The following U2AF2 variants were observed in gnomAD, a reference collection of about 807,000 sequenced individuals.
The protein encoded by U2AF2 is U2 small nuclear RNA auxiliary factor 2.
In U2AF2, 6 loss-of-function variants were observed where a neutral mutation model predicts 52.6. The observed-to-expected ratio is 0.11, with a 90% CI of 0.06 to 0.23. U2AF2 has a LOEUF of 0.23. Ranked by LOEUF, U2AF2 falls within the 10% of genes least tolerant of loss-of-function variation. The pLI, the probability that U2AF2 is intolerant of heterozygous loss-of-function variation, is 1.00. For synonymous variants in U2AF2, 284 were observed against 258.2 expected (o/e 1.10, Z -0.96); for missense variants, 222 against 677.1 (o/e 0.33, Z 7.46).
At chr19:55,661,747 A>G (rs1984222106) in intron 5 of U2AF2, 2 of 151,456 alleles carry the variant, frequency 1.3e-5, no homozygotes, top group African/African-American at 2.5e-5. Context: ...GAGATCAAAG[A>G]GTTGTTTCCA....
At chr19:55,669,245 A>G (rs1381987107) in intron 10 of U2AF2, 64 bp downstream of exon 10, 22 of 1,587,462 alleles carry the variant, frequency 1.4e-5, no homozygotes, top group Non-Finnish European at 1.8e-5. Flanking sequence ...GTAGGGGACA[A>G]GTGTTCCTGA....
Position 55,660,517 on chromosome 19 carries a change from C to T in U2AF2, c.232C>T (p.Arg78Cys), listed in dbSNP as rs1984111007. 9.3e-6 allele frequency: 9 copies of T among 968,844 alleles called. No individual in the cohort carries two copies. Among genetic ancestry groups the T allele is most frequent in the Non-Finnish European group, 1.4e-5 (9 of 656,064 alleles). 60.0% of individuals were successfully genotyped at this position (968,844 alleles called of 1,614,324 possible). ...GCTCTCCCCTCCCACCTCCCCCAGT[C>T]GTTCCCCCCGCCACGAGAAGAAGAA... ...GAKEEHGGLI[R>C]SPRHEKKKKV... Residue 78 changes from arginine (R) to cysteine (C), a missense_variant and splice_region_variant, in exon 4 of 12, where the codon CGT becomes TGT. Physicochemically the swap from Arg to Cys is radical, Grantham distance 180. Coordinates refer to ENST00000308924, the MANE Select transcript of U2AF2 (RefSeq NM_007279.3).
chr19:55,664,381 TCA>T (rs1481559639), intron 7 of U2AF2, among the ~76,000 whole-genome samples: 1 of 152,228 alleles, frequency 6.6e-6, no homozygotes, highest in African/African-American at 2.4e-5. Flanking sequence ...CCTGTGCTTC[TCA>T]CAGGCCACAG....
intron 7 of U2AF2, among the ~76,000 whole-genome samples, chr19:55,667,425 T>C (rs1291340767): frequency 2.0e-5 from 3 of 152,114 alleles, no homozygotes; most frequent in Admixed American, 6.6e-5. Context: ...ATAGCTGATA[T>C]CTGACAGGAC....
At chr19:55,657,863 T>C (rs1326992311) in intron 1 of U2AF2, among the ~76,000 whole-genome samples, 1 of 152,166 alleles carries the variant, frequency 6.6e-6, no homozygotes, top group Non-Finnish European at 1.5e-5. Flanking sequence ...TCTCTATACC[T>C]TAGTTTCCTT....
At chr19:55,661,232 A>ATTCCCTTTCC (rs767584407) in intron 5 of U2AF2, 43 bp downstream of exon 5, 1 of 1,450,010 alleles carries the variant, frequency 6.9e-7, no homozygotes, top group South Asian at 1.3e-5. Flanking sequence ...TTGTCCCTCT[A>ATTCCCTTTCC]CCCCGTTCCT....
chr19:55,655,345 G>C (rs894129978), intron 1 of U2AF2, among the ~76,000 whole-genome samples, 192 bp downstream of exon 1: 1 of 152,172 alleles, frequency 6.6e-6, no homozygotes, highest in Non-Finnish European at 1.5e-5. Context: ...GGGGAAGGGG[G>C]CGGCGGGGCG....
In U2AF2 at chr19:55,668,615, T is replaced by TGCCCC; in HGVS notation, c.822+29_822+30insGCCCC. On this transcript the variant is annotated intron_variant, in intron 8 of 11. Transcript: ENST00000308924. This position sits in a 1 kb window ranked among gnomAD's most constrained non-coding sequence, Gnocchi z 5.5. The stretch of plus-strand genomic sequence containing the variant: ...ACTTCCCTGCCTCCCTCCAGACCCG[T>TGCCCC]CCCCCCACCCCGCCCCACCTCATCC... The TGCCCC allele has an allele frequency of 1.6e-5, 24 of 1,513,672 alleles. No individual in the cohort carries two copies. Among genetic ancestry groups the TGCCCC allele is most frequent in the East Asian group, 2.3e-5 (1 of 43,200 alleles). The allele number at this position is 1,513,672 out of a possible 1,614,324, so 93.8% of individuals were successfully genotyped here.
At chr19:55,657,046 G>A (rs918595618) in intron 1 of U2AF2, among the ~76,000 whole-genome samples, 1 of 152,210 alleles carries the variant, frequency 6.6e-6, no homozygotes, top group African/African-American at 2.4e-5. Context: ...AAGCAGAAAA[G>A]CAGGTACTGA....
Position 55,663,841 on chromosome 19 carries a change from T to C in U2AF2, c.742+97T>C, listed in dbSNP as rs1461609722. The C allele has an allele frequency of 3.9e-6, 6 of 1,537,824 alleles. No homozygotes were observed. In the Admixed American group the frequency reaches 1.1e-4, roughly 29 times the overall value. On this transcript the variant is annotated intron_variant, in intron 7 of 11. Coordinates refer to ENST00000308924, the MANE Select transcript of U2AF2 (RefSeq NM_007279.3). ...CCAGCTGGAGTGGCTTAGGAAGTTG[T>C]GTAAGTACTGTGGAAGATAGGTGCC... is the stretch of plus-strand genomic sequence containing the variant.
intron 3 of U2AF2, 59 bp from the exon 4 acceptor site, chr19:55,660,457 G>T: frequency 1.7e-6 from 2 of 1,169,386 alleles, no homozygotes; most frequent in Non-Finnish European, 2.5e-6. Context: ...GGGCTCGCAG[G>T]CCCACTGTTG....
At position 55,655,624 on chromosome 19, in the gene U2AF2, G is replaced by C. The variant is rs530829609; in HGVS notation, c.49+471G>C. On this transcript the variant is annotated intron_variant, in intron 1 of 11. Coordinates refer to ENST00000308924, the MANE Select transcript of U2AF2 (RefSeq NM_007279.3). ...AAAATGGCGGTTGTGAGAACTTGGT[G>C]GGGGGGCCCCTTTCCTTCCTTCACG... Among the ~76,000 whole-genome samples the C allele has an allele frequency of 1.5e-3, 229 of 152,228 alleles. 1 individual carries two copies. Among genetic ancestry groups the C allele is most frequent in the Non-Finnish European group, 1.7e-3 (114 of 68,006 alleles).
chr19:55,662,479 C>CA, intron 5 of U2AF2, 23 bp from the exon 6 acceptor site: 3 of 1,457,196 alleles, frequency 2.1e-6, no homozygotes, highest in African/African-American at 1.4e-5. Context: ...CGCCCCCCCC[C>CA]TTGTCTCCTA....
At chr19:55,659,040 TG>T in intron 1 of U2AF2, 169 bp from the exon 2 acceptor site, 1 of 1,110,110 alleles carries the variant, frequency 9.0e-7, no homozygotes, top group Non-Finnish European at 1.2e-6. Flanking sequence ...TCATGGTCCC[TG>T]GACTCGCTTG....
intron 7 of U2AF2, among the ~76,000 whole-genome samples, chr19:55,667,983 C>T (rs1984653657): frequency 6.6e-6 from 1 of 152,128 alleles, no homozygotes; most frequent in Non-Finnish European, 1.5e-5. Flanking sequence ...CGGGGTTTCA[C>T]CATGTTGGAC....
In U2AF2 at chr19:55,656,614, C is replaced by T. The variant is rs533900204; in HGVS notation, c.49+1461C>T. On this transcript the variant is annotated intron_variant, in intron 1 of 11. Transcript: ENST00000308924. ...CTGAGCGCTTACCGTGTGCCAGGCT[C>T]TTCGCTAAACTCTTAGCATGTTTTA... is the stretch of plus-strand genomic sequence containing the variant. Among the ~76,000 whole-genome samples, 13 of 152,356 alleles carry T rather than the reference C, an allele frequency of 8.5e-5. No individual in the cohort carries two copies. The South Asian group carries it at 2.7e-3, about 32-fold the overall frequency.
At position 55,674,105 on chromosome 19, in the gene U2AF2, G is replaced by A. The variant is rs1484064052; in HGVS notation, c.*37G>A. On this transcript the variant is annotated 3_prime_UTR_variant, in exon 12 of 12. Transcript: ENST00000308924. ...GGAGGGTGGGGGCAGGGCTGGCTGG[G>A]GGCTTCTCCCCACTCCCGCCCCCCC... The A allele has an allele frequency of 6.4e-7, 1 of 1,562,036 alleles. No homozygotes were observed. The highest frequency in any genetic ancestry group is 1.8e-5 in the Admixed American group (1 of 55,136).
In U2AF2 at chr19:55,673,007, A is replaced by G. The variant is rs148243731; in HGVS notation, c.1294-927A>G. Among the ~76,000 whole-genome samples, 7 of 151,806 alleles carry G rather than the reference A, an allele frequency of 4.6e-5. No individual in the cohort carries two copies. The East Asian group carries it at 5.8e-4, about 13-fold the overall frequency. On this transcript the variant is annotated intron_variant, in intron 11 of 11. Transcript: ENST00000308924. ...ACCCAGGCTGGAGTGCAGTGGCGCA[A>G]TCTCGGCTCACTGCATCCTTCACCT...
Position 55,669,681 on chromosome 19 carries a change from G to A in U2AF2, c.1282G>A (p.Gly428Ser). ...PRPVDGVEVP[G>S]CGKIFVEFTS... is the part of the protein sequence containing the mutation. ...GCCTGTGGACGGCGTCGAGGTGCCC[G>A]GCTGCGGAAAGGTCAGGAGGCCTCG... The change falls in exon 11 of 12, where the codon GGC (glycine) becomes AGC (serine). Residue 428 changes from glycine to serine, a missense_variant. Gly to Ser is a moderately conservative substitution (Grantham distance 56). Transcript: ENST00000308924. 1.9e-6 allele frequency: 3 copies of A among 1,606,346 alleles called. No homozygotes were observed. The highest frequency in any genetic ancestry group is 2.6e-6 in the Non-Finnish European group (3 of 1,176,112).
Sources: allele counts gnomAD v4.1 joint callset (sites outside exome capture counted in the v4.1 genomes callset), GRCh38; gene constraint gnomAD v4.1.1; non-coding constraint Gnocchi (gnomAD v3.1); transcripts MANE v1.5; gene names NCBI Gene and HGNC (gene_info 2026-07-23, HGNC 2026-07-21).